Variants in NCOA6 observed in about 807,000 individuals in gnomAD.
The protein encoded by NCOA6 is NRC RAP250.
Under a neutral mutation model 171.4 loss-of-function variants are expected in NCOA6, and 49 were observed. The ratio of observed to expected loss-of-function variants is 0.29; its 90% CI spans 0.23 to 0.36. The LOEUF is 0.36. Among genes scored for constraint, NCOA6 ranks in the 10% least tolerant of loss-of-function variants. NCOA6 has a pLI of 1.00. For missense variants in NCOA6, 2,248 were observed against 2,554.5 expected (o/e 0.88, Z 2.59); for synonymous variants, 910 against 927.5 (o/e 0.98, Z 0.34).
chr20:34,779,562 A>T (rs2077454624), intron 3 of NCOA6, among the ~76,000 whole-genome samples: 1 of 152,126 alleles, frequency 6.6e-6, no homozygotes, highest in Non-Finnish European at 1.5e-5. Flanking sequence ...CTCAGGCAAA[A>T]CAATTTTCTC....
rs765094449 is a variant in NCOA6 at position 34,727,297 on chromosome 20, C to T, written c.6110G>A (p.Arg2037Gln). Residue 2037 changes from arginine to glutamine, a missense_variant, in exon 14 of 15, where the codon CGA becomes CAA. Arg to Gln is a conservative substitution (Grantham distance 43). Coordinates refer to ENST00000359003, the MANE Select transcript of NCOA6 (RefSeq NM_014071.5). ...SESVENGHRK[R>Q]SSRPASASSS... The stretch of plus-strand genomic sequence containing the variant: ...GGAGGCTGAAGCAGGTCGAGAAGAT[C>T]GTTTACGATGTCCATTTTCCACACT... The T allele has an allele frequency of 3.1e-6, 5 of 1,614,170 alleles. No individual in the cohort carries two copies. Among genetic ancestry groups the T allele is most frequent in the Admixed American group, 1.7e-5 (1 of 60,014 alleles).
At chr20:34,799,033 T>C (rs1349539225) in intron 1 of NCOA6, among the ~76,000 whole-genome samples, 1 of 152,126 alleles carries the variant, frequency 6.6e-6, no homozygotes, top group Non-Finnish European at 1.5e-5. Flanking sequence ...GACAGAGATA[T>C]GTGACCTTTC....
intron 1 of NCOA6, among the ~76,000 whole-genome samples, chr20:34,818,756 T>A (rs1430382046): frequency 6.6e-6 from 1 of 152,230 alleles, no homozygotes; most frequent in Non-Finnish European, 1.5e-5. Flanking sequence ...AAACCTTGGC[T>A]AGATTCATCT....
chr20:34,743,189 A>G lies in NCOA6; in HGVS notation c.3067T>C (p.Ser1023Pro), dbSNP rs754983158. 1 of 1,613,592 alleles carries G rather than the reference A, an allele frequency of 6.2e-7. No individual in the cohort carries two copies. Among genetic ancestry groups the G allele is most frequent in the East Asian group, 2.2e-5 (1 of 44,894 alleles). ...TGCTGCTGCTGCTGCTGCTGCTGAG[A>G]CTGTGGCTGACTGGGAGGTGGTGGC... ...QQPPPPSQPQ[S>P]QQQQQQQQQM... The change falls in exon 11 of 15, where the codon TCT becomes CCT. Residue 1023 changes from serine to proline, a missense_variant. Physicochemically the swap from Ser to Pro is moderately conservative, Grantham distance 74 (BLOSUM62 -1). Around this residue, in one of 7 missense-constraint regions of NCOA6, gnomAD observed 352 missense variants for 419.1 expected, o/e 0.84. Transcript: ENST00000359003.
At chr20:34,790,387 C>G (rs944595599) in intron 2 of NCOA6, among the ~76,000 whole-genome samples, 1 of 152,008 alleles carries the variant, frequency 6.6e-6, no homozygotes, top group African/African-American at 2.4e-5. Context: ...TGGAGTCTCG[C>G]TGTGTTGCCC....
chr20:34,783,046 T>C (rs1053484748), intron 2 of NCOA6, among the ~76,000 whole-genome samples: 15 of 151,858 alleles, frequency 9.9e-5, no homozygotes, highest in African/African-American at 3.4e-4. Context: ...CTTTGGGAGG[T>C]CAAGGTGGGC....
At chr20:34,801,689 A>T (rs1451834457) in intron 1 of NCOA6, among the ~76,000 whole-genome samples, 1 of 152,124 alleles carries the variant, frequency 6.6e-6, no homozygotes, top group South Asian at 2.1e-4. Flanking sequence ...ATCAGGTGAA[A>T]CCCTGTCTCT....
At chr20:34,808,154 G>GAA (rs559130475) in intron 1 of NCOA6, among the ~76,000 whole-genome samples, 3 of 136,800 alleles carry the variant, frequency 2.2e-5, no homozygotes, top group Admixed American at 1.5e-4. Flanking sequence ...GTCTCAAAAA[G>GAA]AAAAAAAAAA....
At chr20:34,770,044 CTT>C (rs542167234) in intron 4 of NCOA6, among the ~76,000 whole-genome samples, 13 of 142,628 alleles carry the variant, frequency 9.1e-5, no homozygotes, top group Non-Finnish European at 1.1e-4. Flanking sequence ...GTCAGCCTTC[CTT>C]TTTTTTTTTT....
chr20:34,740,246 C>A, intron 11 of NCOA6, 117 bp downstream of exon 11: 1 of 1,287,242 alleles, frequency 7.8e-7, no homozygotes, highest in Non-Finnish European at 1.1e-6. Context: ...AAAACTACTG[C>A]TATTGCCATT....
chr20:34,777,258 C>A (rs990340383), intron 3 of NCOA6, among the ~76,000 whole-genome samples: 10 of 152,018 alleles, frequency 6.6e-5, no homozygotes, highest in Non-Finnish European at 1.3e-4. Context: ...ACCTCACCAC[C>A]ATTACCATGG....
intron 5 of NCOA6, among the ~76,000 whole-genome samples, chr20:34,764,641 C>T (rs986043350): frequency 7.9e-5 from 12 of 151,128 alleles, no homozygotes; most frequent in East Asian, 7.9e-4. Flanking sequence ...GCCAAGATCG[C>T]GCAACTGCAC....
At chr20:34,773,396 C>A (rs1376094053) in intron 4 of NCOA6, among the ~76,000 whole-genome samples, 1 of 152,224 alleles carries the variant, frequency 6.6e-6, no homozygotes, top group Non-Finnish European at 1.5e-5. Context: ...GTTGGGAGAA[C>A]CTGTCCCTCA....
Position 34,757,892 on chromosome 20 carries a change from A to ACTGTTGTTGCTGCTGTTG in NCOA6, c.838_855dup (p.Gln280_Gln285dup), listed in dbSNP as rs771064668. 4.3e-6 allele frequency: 7 copies of ACTGTTGTTGCTGCTGTTG among 1,613,484 alleles called. No homozygotes were observed. In the African/African-American group the frequency reaches 5.4e-5, roughly 12 times the overall value. On this transcript the variant is annotated inframe_insertion, in exon 7 of 15. Transcript: ENST00000359003. ...TGTTGCTGTGGGGGTCTTGCCTGCA[A>ACTGTTGTTGCTGCTGTTG]CTGTTGTTGCTGCTGTTGCTGTTGT...
At chr20:34,760,258 C>T (rs560843012) in intron 5 of NCOA6, among the ~76,000 whole-genome samples, 1 of 152,296 alleles carries the variant, frequency 6.6e-6, no homozygotes, top group African/African-American at 2.4e-5. Context: ...GCCTAGGCAA[C>T]AGGGCAAGAG....
intron 2 of NCOA6, among the ~76,000 whole-genome samples, chr20:34,788,709 G>A (rs902125363): frequency 1.3e-5 from 2 of 152,148 alleles, no homozygotes; most frequent in Non-Finnish European, 1.5e-5. Flanking sequence ...ACTTTGAGAG[G>A]CCGAAGCAGG....
Position 34,740,922 on chromosome 20 carries a change from T to C in NCOA6, c.5334A>G (p.Ser1778=), listed in dbSNP as rs2076120631. The change falls in exon 11 of 15, where the codon TCA becomes TCG. Residue 1778 remains serine, a synonymous_variant. Transcript: ENST00000359003. ...PDEASPQVNT[S]ADQNTLPSSQ... ...AAGAGGGAAGAGTGTTCTGATCTGC[T>C]GAGGTGTTCACCTGAGGGCTAGCCT... 2 of 1,614,182 alleles carry C rather than the reference T, an allele frequency of 1.2e-6. No individual in the cohort carries two copies. Among genetic ancestry groups the C allele is most frequent in the Middle Eastern group, 1.6e-4 (1 of 6,062 alleles).
intron 2 of NCOA6, among the ~76,000 whole-genome samples, chr20:34,786,051 TCA>T (rs1378780885): frequency 6.6e-6 from 1 of 152,200 alleles, no homozygotes; most frequent in African/African-American, 2.4e-5. Context: ...TTTTCCTGGT[TCA>T]GTCTTCCTGG....
Position 34,768,542 on chromosome 20 carries a change from C to A in NCOA6, c.436G>T (p.Asp146Tyr). Residue 146 changes from aspartate to tyrosine, a missense_variant, in exon 5 of 15, where the codon GAT (aspartate) becomes TAT (tyrosine). Around this residue, in one of 7 missense-constraint regions of NCOA6, gnomAD observed 987 missense variants for 1,104.7 expected, o/e 0.89. Coordinates refer to ENST00000359003, the MANE Select transcript of NCOA6 (RefSeq NM_014071.5). Reference protein sequence around the residue: ...NLALAQNRSQDVRMNGPMGAG... With the variant: ...NLALAQNRSQYVRMNGPMGAG... The stretch of plus-strand genomic sequence containing the variant: ...CCCATGGGTCCATTCATTCTCACAT[C>A]TTGGCTTCGGTTCTGAGCCAAAGCC... The A allele has an allele frequency of 6.2e-7, 1 of 1,614,184 alleles. No homozygotes were observed. Among genetic ancestry groups the A allele is most frequent in the South Asian group, 1.1e-5 (1 of 91,088 alleles).
Sources: allele counts gnomAD v4.1 joint callset (sites outside exome capture counted in the v4.1 genomes callset), GRCh38; gene constraint gnomAD v4.1.1; regional missense constraint gnomAD v4.1.1; transcripts MANE v1.5; gene names NCBI Gene and HGNC (gene_info 2026-07-23, HGNC 2026-07-21).